NLGN1: variants seen among roughly 807,000 people sequenced by gnomAD.
NLGN1 encodes neuroligin 1.
Under a neutral mutation model 65.5 loss-of-function variants are expected in NLGN1, and 12 were observed. That is an observed-to-expected ratio of 0.18 (90% confidence interval 0.12 to 0.30). The LOEUF is 0.30. Ranked by LOEUF, NLGN1 falls within the 10% of genes least tolerant of loss-of-function variation. The pLI, the probability that NLGN1 is intolerant of heterozygous loss-of-function variation, is 1.00. For synonymous variants in NLGN1, 350 were observed against 359.5 expected (o/e 0.97, Z 0.30); for missense variants, 750 against 1,007.1 (o/e 0.74, Z 3.46).
intron 3 of NLGN1, among the ~76,000 whole-genome samples, chr3:173,661,897 G>A (rs761213245): frequency 7.9e-5 from 12 of 152,012 alleles, no homozygotes; most frequent in African/African-American, 2.9e-4. Context: ...AGGAAGCAGG[G>A]TGCATGCAAT....
intron 4 of NLGN1, among the ~76,000 whole-genome samples, chr3:174,105,965 C>G (rs1165034883): frequency 1.3e-5 from 2 of 152,034 alleles, no homozygotes; most frequent in Non-Finnish European, 2.9e-5. Context: ...TATGCTGGAG[C>G]CCCTGAAAAT....
chr3:174,087,387 G>A (rs755191087), intron 4 of NLGN1, among the ~76,000 whole-genome samples: 10 of 152,264 alleles, frequency 6.6e-5, no homozygotes, highest in Non-Finnish European at 1.2e-4. Flanking sequence ...TTCTGGAGTA[G>A]TTAAGTGTAA....
chr3:173,647,404 G>A (rs907516657), intron 3 of NLGN1, among the ~76,000 whole-genome samples: 4 of 152,006 alleles, frequency 2.6e-5, no homozygotes, highest in African/African-American at 7.2e-5. Context: ...TTCTTTTCAA[G>A]CATGCACAGA....
chr3:174,086,950 G>T (rs1743529465), intron 4 of NLGN1, among the ~76,000 whole-genome samples: 1 of 152,042 alleles, frequency 6.6e-6, no homozygotes, highest in Non-Finnish European at 1.5e-5. Flanking sequence ...TTTCCTGAAG[G>T]AATACTATTA....
At chr3:173,413,483 C>T (rs1560217175) in intron 1 of NLGN1, among the ~76,000 whole-genome samples, 1 of 151,980 alleles carries the variant, frequency 6.6e-6, no homozygotes, top group Non-Finnish European at 1.5e-5. Context: ...ACCTGTAGTC[C>T]CAGCTACTTG....
chr3:173,719,850 C>A (rs1296597839), intron 3 of NLGN1, among the ~76,000 whole-genome samples: 1 of 152,160 alleles, frequency 6.6e-6, no homozygotes, highest in Non-Finnish European at 1.5e-5. Context: ...CACAGTGGCT[C>A]ACGCCTGTAA....
At chr3:173,745,654 A>T (rs1157302593) in intron 3 of NLGN1, among the ~76,000 whole-genome samples, 1 of 152,014 alleles carries the variant, frequency 6.6e-6, no homozygotes, top group Non-Finnish European at 1.5e-5. Context: ...AGATGAGATT[A>T]TATGGCTTGC....
At chr3:173,820,226 A>G (rs1720003937) in intron 4 of NLGN1, among the ~76,000 whole-genome samples, 1 of 151,370 alleles carries the variant, frequency 6.6e-6, no homozygotes, top group South Asian at 2.1e-4. Context: ...GCAATCCTTT[A>G]CCTCAATACC....
chr3:174,211,796 C>T (rs1736627076), intron 4 of NLGN1, among the ~76,000 whole-genome samples: 1 of 152,150 alleles, frequency 6.6e-6, no homozygotes, highest in Non-Finnish European at 1.5e-5. Context: ...TCGATTAGTG[C>T]ACTCACAAAC....
intron 4 of NLGN1, among the ~76,000 whole-genome samples, chr3:173,856,693 T>A (rs1373036355): frequency 1.3e-5 from 2 of 152,080 alleles, no homozygotes; most frequent in Non-Finnish European, 2.9e-5. Flanking sequence ...TGTGCATAAA[T>A]GTAAATGTAT....
At chr3:173,545,265 G>T (rs1739594139) in intron 2 of NLGN1, among the ~76,000 whole-genome samples, 1 of 151,900 alleles carries the variant, frequency 6.6e-6, no homozygotes, top group African/African-American at 2.4e-5. Context: ...GTAGAGATGG[G>T]GTTTCACCGT....
intron 2 of NLGN1, among the ~76,000 whole-genome samples, chr3:173,592,253 T>G (rs1157166499): frequency 1.3e-5 from 2 of 152,086 alleles, no homozygotes; most frequent in Non-Finnish European, 2.9e-5. Context: ...TAATGTTAAA[T>G]TTTTTTTCAG....
intron 3 of NLGN1, among the ~76,000 whole-genome samples, chr3:173,723,241 A>T (rs953074627): frequency 6.6e-6 from 1 of 152,202 alleles, no homozygotes; most frequent in Admixed American, 6.5e-5. Flanking sequence ...CATTATAAGG[A>T]TTGGCTTTTA....
chr3:174,081,260 A>G (rs1742141866), intron 4 of NLGN1, among the ~76,000 whole-genome samples: 1 of 152,146 alleles, frequency 6.6e-6, no homozygotes, highest in Non-Finnish European at 1.5e-5. Flanking sequence ...GGGATACTTA[A>G]ATTATAGAAG....
intron 4 of NLGN1, among the ~76,000 whole-genome samples, chr3:173,905,034 A>G (rs975753902): frequency 2.0e-5 from 3 of 152,050 alleles, no homozygotes; most frequent in Admixed American, 6.6e-5. Flanking sequence ...TTCTAGTTTC[A>G]TGGGTTTTAA....
intron 2 of NLGN1, among the ~76,000 whole-genome samples, chr3:173,471,537 A>G (rs1725319439): frequency 6.6e-6 from 1 of 152,016 alleles, no homozygotes; most frequent in Non-Finnish European, 1.5e-5. Context: ...TAGGGGCCCA[A>G]CCTAGTCTAG....
intron 3 of NLGN1, among the ~76,000 whole-genome samples, chr3:173,731,404 G>A (rs557676820): frequency 6.6e-6 from 1 of 152,070 alleles, no homozygotes; most frequent in Non-Finnish European, 1.5e-5. Flanking sequence ...TTTTGGAAAT[G>A]CACAAATCGT....
chr3:173,887,516 T>C (rs1281042610), intron 4 of NLGN1, among the ~76,000 whole-genome samples: 1 of 151,970 alleles, frequency 6.6e-6, no homozygotes, highest in African/African-American at 2.4e-5. Flanking sequence ...TATCTAATTC[T>C]CACTCTTCAC....
chr3:173,989,493 T>C (rs940672268), intron 4 of NLGN1, among the ~76,000 whole-genome samples: 1 of 152,190 alleles, frequency 6.6e-6, no homozygotes, highest in Admixed American at 6.5e-5. Context: ...CCTTTAGGAT[T>C]AATATATTTT....
Sources: gnomAD v4.1 joint callset for allele counts (sites outside exome capture counted in the v4.1 genomes callset) on GRCh38, gnomAD v4.1.1 for gene constraint, MANE v1.5 for transcripts, NCBI Gene and HGNC (gene_info 2026-07-23, HGNC 2026-07-21) for gene names.